Variants in GRIK2 observed in about 807,000 individuals in gnomAD.
GRIK2 encodes the protein glutamate receptor ionotropic, kainate 2.
In GRIK2, 32 loss-of-function variants were observed where a neutral mutation model predicts 100.3. That is an observed-to-expected ratio of 0.32 (90% confidence interval 0.24 to 0.43). The LOEUF (loss-of-function observed/expected upper bound fraction) is 0.43. GRIK2 is among the 20% of genes least tolerant of loss of function. The pLI is 1.00. For synonymous variants in GRIK2, 417 were observed against 389.4 expected, an observed-to-expected ratio of 1.07 and a Z score of -0.83; for missense variants, 843 against 1,114.9, an observed-to-expected ratio of 0.76 and a Z score of 3.47.
chr6:101,664,817 AG>A (rs1769892114), intron 4 of GRIK2, among the ~76,000 whole-genome samples: 2 of 152,170 alleles, frequency 1.3e-5, no homozygotes, highest in South Asian at 4.1e-4. Flanking sequence ...AAGGTTAAGG[AG>A]GAGCAAAGGC....
At chr6:101,573,852 G>A (rs1389982122) in intron 2 of GRIK2, among the ~76,000 whole-genome samples, 1 of 151,924 alleles carries the variant, frequency 6.6e-6, no homozygotes, top group Admixed American at 6.6e-5. Context: ...AAGTGGGGGT[G>A]TTTTTCTTCT....
rs555006248 is a variant in GRIK2, at chr6:101,610,775, T to C, written c.116-11174T>C. Among the ~76,000 whole-genome samples the C allele has an allele frequency of 3.3e-5, 5 of 151,940 alleles. No individual in the cohort carries two copies. The South Asian group carries it at 1.0e-3, about 31-fold the overall frequency. On this transcript the variant is annotated intron_variant, in intron 2 of 16. Coordinates refer to ENST00000369134, the MANE Select transcript of GRIK2 (RefSeq NM_021956.5). ...TTTTCGCCTTTTCTTTTCATTTGGT[T>C]GACCTATTTTCTTTTAAATAAGTAC...
At chr6:101,426,054 T>C (rs1035309340) in intron 2 of GRIK2, among the ~76,000 whole-genome samples, 1 of 152,216 alleles carries the variant, frequency 6.6e-6, no homozygotes. Context: ...CCACATCTAT[T>C]GAGAGGTGGC....
chr6:101,824,463 T>A (rs534867314), intron 10 of GRIK2, among the ~76,000 whole-genome samples: 2 of 152,170 alleles, frequency 1.3e-5, no homozygotes, highest in Non-Finnish European at 2.9e-5. Context: ...AAATGCCTAC[T>A]TTTTCCTCTA....
At chr6:101,658,044 T>A (rs868615127) in intron 4 of GRIK2, among the ~76,000 whole-genome samples, 1 of 152,172 alleles carries the variant, frequency 6.6e-6, no homozygotes, top group Non-Finnish European at 1.5e-5. Flanking sequence ...ATCTCTTTTT[T>A]AAAATTTATT....
chr6:101,969,244 C>T (rs538730512), intron 14 of GRIK2, among the ~76,000 whole-genome samples: 5 of 151,988 alleles, frequency 3.3e-5, no homozygotes, highest in Non-Finnish European at 7.4e-5. Flanking sequence ...ATATTCTACA[C>T]AGGATGCATT....
intron 10 of GRIK2, among the ~76,000 whole-genome samples, chr6:101,841,699 TA>T (rs1229602151): frequency 6.6e-6 from 1 of 152,098 alleles, no homozygotes; most frequent in East Asian, 1.9e-4. Flanking sequence ...ACTTGGGGCA[TA>T]ATTTCTCAGA....
intron 7 of GRIK2, among the ~76,000 whole-genome samples, chr6:101,737,174 CCACA>C (rs1454005408): frequency 1.3e-5 from 2 of 152,102 alleles, no homozygotes; most frequent in African/African-American, 4.8e-5. Flanking sequence ...CCAAACTTTC[CCACA>C]TTTTCCTGTC....
chr6:101,546,779 T>C (rs1776254478), intron 2 of GRIK2, among the ~76,000 whole-genome samples: 1 of 151,172 alleles, frequency 6.6e-6, no homozygotes, highest in Non-Finnish European at 1.5e-5. Flanking sequence ...GCCAGTTTTA[T>C]ACACTGGCCT....
At chr6:101,786,094 T>C (rs1292192488) in intron 7 of GRIK2, among the ~76,000 whole-genome samples, 1 of 152,130 alleles carries the variant, frequency 6.6e-6, no homozygotes, top group Non-Finnish European at 1.5e-5. Context: ...TGAGATTACC[T>C]TCTTGATAGT....
At position 101,623,905 on chromosome 6, in the gene GRIK2, T is replaced by TAGC. The variant is rs1176122353; in HGVS notation, c.283+1790_283+1791insGCA. Among the ~76,000 whole-genome samples, 63 of 152,234 alleles carry TAGC rather than the reference T, an allele frequency of 4.1e-4. No individual in the cohort carries two copies. The Middle Eastern group carries it at 0.01, about 25-fold the overall frequency. On this transcript the variant is annotated intron_variant, in intron 3 of 16. Transcript: ENST00000369134. ...GAGGACACAGCAATACATAAAAACA[T>TAGC]AATATAACAGAGCCAATATTTTTTT...
chr6:101,910,151 T>C (rs1788572934), intron 12 of GRIK2, among the ~76,000 whole-genome samples: 1 of 151,158 alleles, frequency 6.6e-6, no homozygotes, highest in African/African-American at 2.4e-5. Context: ...TTGGCAGTGG[T>C]ATATGTTTCT....
intron 11 of GRIK2, among the ~76,000 whole-genome samples, chr6:101,875,639 A>T (rs1034150308): frequency 6.6e-6 from 1 of 151,654 alleles, no homozygotes; most frequent in African/African-American, 2.4e-5. Flanking sequence ...CTTCTTTTAC[A>T]TTGAATGAGT....
At chr6:101,850,483 G>A (rs948533023) in intron 10 of GRIK2, among the ~76,000 whole-genome samples, 2 of 151,706 alleles carry the variant, frequency 1.3e-5, no homozygotes, top group Non-Finnish European at 2.9e-5. Flanking sequence ...GATATCTCAG[G>A]GTTAACATAT....
intron 2 of GRIK2, chr6:101,430,646 AC>A (rs1769327437): frequency 6.0e-6 from 1 of 166,784 alleles, no homozygotes; most frequent in Non-Finnish European, 1.3e-5. Flanking sequence ...ACACTTCATG[AC>A]AGAGTTGAAG....
intron 7 of GRIK2, among the ~76,000 whole-genome samples, chr6:101,783,951 A>G (rs934062526): frequency 6.6e-6 from 1 of 152,220 alleles, no homozygotes; most frequent in African/African-American, 2.4e-5. Context: ...AGATGGTTTG[A>G]AATTGGATCT....
At chr6:101,665,335 A>G (rs1267864601) in intron 4 of GRIK2, among the ~76,000 whole-genome samples, 3 of 152,200 alleles carry the variant, frequency 2.0e-5, no homozygotes, top group African/African-American at 7.2e-5. Context: ...CATGCTGTTT[A>G]CTATACAATT....
At position 101,736,009 on chromosome 6, in the gene GRIK2, A is replaced by T. The variant is rs149247668; in HGVS notation, c.951+49656A>T. On this transcript the variant is annotated intron_variant, in intron 7 of 16. Coordinates refer to ENST00000369134, the MANE Select transcript of GRIK2 (RefSeq NM_021956.5). ...AAAGGGAGAAATCGGCCCAAAACAA[A>T]GGGGCTACAGGCCCCATGCAAGTCC... Among the ~76,000 whole-genome samples, 29 of 152,312 alleles carry T rather than the reference A, an allele frequency of 1.9e-4. No individual in the cohort carries two copies. The East Asian group carries it at 5.0e-3, about 26-fold the overall frequency.
At chr6:101,786,005 G>A (rs1355700982) in intron 7 of GRIK2, among the ~76,000 whole-genome samples, 1 of 151,888 alleles carries the variant, frequency 6.6e-6, no homozygotes, top group Non-Finnish European at 1.5e-5. Context: ...TCAATTTTTT[G>A]TAGGTTTCAT....
Sources: gnomAD v4.1 joint callset for allele counts (sites outside exome capture counted in the v4.1 genomes callset) on GRCh38, gnomAD v4.1.1 for gene constraint, MANE v1.5 for transcripts, NCBI Gene and HGNC (gene_info 2026-07-23, HGNC 2026-07-21) for gene names.